DOCK7: variants seen among roughly 807,000 people sequenced by gnomAD.
DOCK7 encodes the protein dedicator of cytokinesis 7, also known as dedicator of cytokinesis protein 7.
Under a neutral mutation model 271.0 loss-of-function variants are expected in DOCK7, and 138 were observed. That is an observed-to-expected ratio of 0.51 (90% confidence interval 0.44 to 0.59). DOCK7 has a LOEUF of 0.59. Ranked by LOEUF, DOCK7 falls within the 20% of genes least tolerant of loss-of-function variation. The pLI is 0.00. For missense variants in DOCK7, 2,066 were observed against 2,592.4 expected (o/e 0.80, Z 4.41); for synonymous variants, 823 against 876.1 (o/e 0.94, Z 1.07).
At chr1:62,676,842 C>T (rs1660595209) in intron 1 of DOCK7, among the ~76,000 whole-genome samples, 1 of 152,094 alleles carries the variant, frequency 6.6e-6, no homozygotes, top group Admixed American at 6.6e-5. Context: ...ATGAGAATGA[C>T]AAAAGTCAAA....
chr1:62,584,865 G>A, intron 15 of DOCK7: 1 of 717,482 alleles, frequency 1.4e-6, no homozygotes, highest in Non-Finnish European at 2.6e-6. Flanking sequence ...TATAGGATGG[G>A]TGCAGCTGGG....
intron 37 of DOCK7, among the ~76,000 whole-genome samples, chr1:62,503,830 G>A (rs892571165): frequency 6.6e-6 from 1 of 151,990 alleles, no homozygotes; most frequent in Non-Finnish European, 1.5e-5. Context: ...GGCGGATCAC[G>A]AGGTCAGGAG....
chr1:62,662,962 A>AT, intron 2 of DOCK7, 63 bp downstream of exon 2: 1 of 1,338,002 alleles, frequency 7.5e-7, no homozygotes, highest in Non-Finnish European at 1.1e-6. Context: ...TCTTTCCACT[A>AT]TTTTTTCATG....
chr1:62,542,035 C>T (rs533181849), intron 25 of DOCK7, among the ~76,000 whole-genome samples: 2 of 152,086 alleles, frequency 1.3e-5, no homozygotes, highest in East Asian at 3.9e-4. Context: ...CCAGGTTTAG[C>T]TAATTTAAAA....
intron 12 of DOCK7, among the ~76,000 whole-genome samples, chr1:62,624,742 G>A (rs552005305): frequency 1.8e-4 from 27 of 152,282 alleles, no homozygotes; most frequent in Admixed American, 3.3e-4. Context: ...CTGGGAAGCC[G>A]AGGAGGGTGG....
intron 2 of DOCK7, among the ~76,000 whole-genome samples, chr1:62,658,947 CT>C (rs1658344255): frequency 1.3e-5 from 2 of 150,000 alleles, no homozygotes; most frequent in African/African-American, 4.9e-5. Context: ...AGTGAGACCC[CT>C]GTCTCAAAAG....
chr1:62,684,719 C>T (rs1261474151), intron 1 of DOCK7, among the ~76,000 whole-genome samples: 2 of 152,140 alleles, frequency 1.3e-5, no homozygotes, highest in Non-Finnish European at 2.9e-5. Context: ...TGGGCCTTAT[C>T]CTCAAAAAGC....
intron 8 of DOCK7, chr1:62,635,825 G>A (rs1050939883): frequency 6.6e-6 from 1 of 152,034 alleles, no homozygotes; most frequent in African/African-American, 2.4e-5. Context: ...ATGTTGCCCA[G>A]GCCGGTCTTG....
intron 7 of DOCK7, among the ~76,000 whole-genome samples, chr1:62,639,423 ACTC>A (rs888306403): frequency 1.9e-5 from 2 of 107,616 alleles, no homozygotes; most frequent in African/African-American, 8.3e-5. Flanking sequence ...ACTTTGTAAT[ACTC>A]TTTTTTTTTT....
chr1:62,458,158 T>G (rs199869587), intron 48 of DOCK7: 16 of 11,854 alleles, frequency 1.3e-3, no homozygotes, highest in South Asian at 7.0e-3. Context: ...CAAACGTGGG[T>G]GTGTGTGTGT....
chr1:62,517,177 T>C (rs754722159), intron 31 of DOCK7, among the ~76,000 whole-genome samples: 5 of 152,236 alleles, frequency 3.3e-5, no homozygotes, highest in Non-Finnish European at 7.3e-5. Flanking sequence ...TACCACTTAC[T>C]ACACACACTC....
chr1:62,611,920 G>A (rs1425507242), intron 14 of DOCK7, among the ~76,000 whole-genome samples: 12 of 151,560 alleles, frequency 7.9e-5, no homozygotes, highest in Non-Finnish European at 1.5e-5. Context: ...TGAGGTGGGC[G>A]GATCACCTGA....
At chr1:62,679,557 T>C (rs1026925632) in intron 1 of DOCK7, among the ~76,000 whole-genome samples, 2 of 152,134 alleles carry the variant, frequency 1.3e-5, no homozygotes, top group Non-Finnish European at 2.9e-5. Flanking sequence ...GAGCTCAACC[T>C]CATTAGTAAT....
chr1:62,593,802 A>G (rs1648819485), intron 14 of DOCK7, among the ~76,000 whole-genome samples: 1 of 152,180 alleles, frequency 6.6e-6, no homozygotes, highest in Non-Finnish European at 1.5e-5. Flanking sequence ...ATATGTTCTC[A>G]GTATAAAACA....
At chr1:62,687,814 G>A (rs913244425) in intron 1 of DOCK7, among the ~76,000 whole-genome samples, 1 of 152,176 alleles carries the variant, frequency 6.6e-6, no homozygotes, top group Non-Finnish European at 1.5e-5. Flanking sequence ...GGCCAAGAGG[G>A]GTGGGCGGAG....
chr1:62,581,889 T>C (rs933733251), intron 16 of DOCK7, among the ~76,000 whole-genome samples: 1 of 152,148 alleles, frequency 6.6e-6, no homozygotes, highest in East Asian at 1.9e-4. Flanking sequence ...TGTTGTGTTT[T>C]TAAGTATGGA....
chr1:62,566,066 T>C (rs2149453647), intron 18 of DOCK7, among the ~76,000 whole-genome samples: 2 of 152,184 alleles, frequency 1.3e-5, no homozygotes, highest in Non-Finnish European at 2.9e-5. Flanking sequence ...CACAAATAAA[T>C]GGAAAAACAT....
chr1:62,493,384 A>G lies in DOCK7; in HGVS notation c.5218-537T>C, dbSNP rs187966428. On this transcript the variant is annotated intron_variant, in intron 40 of 49. Transcript: ENST00000635253. ...ACAGTAGATGTACACTCATTCATCA[A>G]CTTTTGAAGTAGATCTAAGGCCTTT... Among the ~76,000 whole-genome samples, 277 of 152,332 alleles carry G rather than the reference A, an allele frequency of 1.8e-3. 1 individual carries two copies. The highest frequency in any genetic ancestry group is 6.5e-3 in the African/African-American group (269 of 41,592).
In DOCK7 at chr1:62,511,690, T is replaced by A. The variant is rs192967118; in HGVS notation, c.4283-1017A>T. 4.6e-5 allele frequency among the ~76,000 whole-genome samples: 7 copies of A among 152,250 alleles called. No homozygotes were observed. In the East Asian group the frequency reaches 1.3e-3, roughly 29 times the overall value. ...TATTTCTTCTAATTTCTTTCCCTTT[T>A]CTTTCCTTTCTTTCCTTATCTCTTT... On this transcript the variant is annotated intron_variant, in intron 33 of 49. Transcript: ENST00000635253.
Sources: gnomAD v4.1 joint callset for allele counts (sites outside exome capture counted in the v4.1 genomes callset) on GRCh38, gnomAD v4.1.1 for gene constraint, MANE v1.5 for transcripts, NCBI Gene and HGNC (gene_info 2026-07-23, HGNC 2026-07-21) for gene names.